The following PPFIA2 variants were observed in gnomAD, a reference collection of about 807,000 sequenced individuals.
The protein encoded by PPFIA2 is liprin-alpha-2.
Under a neutral mutation model 175.5 loss-of-function variants are expected in PPFIA2, and 46 were observed. That is an observed-to-expected ratio of 0.26 (90% CI 0.21 to 0.34). The LOEUF (loss-of-function observed/expected upper bound fraction) is 0.34. Ranked by LOEUF, PPFIA2 falls within the 10% of genes least tolerant of loss-of-function variation. The pLI, the probability that PPFIA2 is intolerant of heterozygous loss-of-function variation, is 1.00. For synonymous variants in PPFIA2, 568 were observed against 511.4 expected, an observed-to-expected ratio of 1.11 and a Z score of -1.49; for missense variants, 1,179 against 1,506.1, an observed-to-expected ratio of 0.78 and a Z score of 3.60.
rs1275218495 is a variant in PPFIA2 at position 81,374,527 on chromosome 12, T to C, written c.1266+107A>G. 12 of 1,330,992 alleles carry C rather than the reference T, an allele frequency of 9.0e-6. No homozygotes were observed. In the African/African-American group the frequency reaches 1.0e-4, roughly 11 times the overall value. 82.4% of individuals were successfully genotyped at this position (1,330,992 alleles called of 1,614,324 possible). A position where few individuals can be genotyped will look rare whatever the true frequency, so the allele number is the denominator to read the frequency against. ...AATAACAGCTCAATATAATAGAGATTAAACTTAATTTTCATAAAGCCTATA... is the reference window on the plus strand; with the variant it reads ...AATAACAGCTCAATATAATAGAGATCAAACTTAATTTTCATAAAGCCTATA... On this transcript the variant is annotated intron_variant, in intron 11 of 32. Coordinates refer to ENST00000549396, the MANE Select transcript of PPFIA2 (RefSeq NM_003625.5).
chr12:81,613,485 C>T (rs963642230), intron 4 of PPFIA2, among the ~76,000 whole-genome samples: 2 of 152,098 alleles, frequency 1.3e-5, no homozygotes, highest in African/African-American at 2.4e-5. Context: ...ATTCCTGACT[C>T]AATAAAATAT....
At chr12:81,430,860 C>T (rs1416576280) in intron 7 of PPFIA2, 1 of 152,148 alleles carries the variant, frequency 6.6e-6, no homozygotes, top group Admixed American at 6.5e-5. Flanking sequence ...CCTCTATCTC[C>T]TTTCAACATC....
chr12:81,280,412 A>G (rs374539944), intron 27 of PPFIA2, among the ~76,000 whole-genome samples: 88 of 152,224 alleles, frequency 5.8e-4, no homozygotes, highest in African/African-American at 1.9e-3. Context: ...ATTATCCTCT[A>G]TTTATCCTAA....
At chr12:81,323,946 A>G (rs576902357) in intron 22 of PPFIA2, among the ~76,000 whole-genome samples, 112 of 152,192 alleles carry the variant, frequency 7.4e-4, no homozygotes, top group African/African-American at 2.5e-3. Context: ...GCCTTGTTAA[A>G]TCCATTTGAA....
At chr12:81,443,595 T>C (rs912699788) in intron 6 of PPFIA2, among the ~76,000 whole-genome samples, 10 of 152,232 alleles carry the variant, frequency 6.6e-5, no homozygotes, top group Non-Finnish European at 1.2e-4. Flanking sequence ...TTACCTCTAT[T>C]CTGATAAAGA....
rs116630531 is a variant in PPFIA2 at position 81,599,457 on chromosome 12, T to C, written c.303+77334A>G. On this transcript the variant is annotated intron_variant, in intron 4 of 32. Coordinates refer to ENST00000549396, the MANE Select transcript of PPFIA2 (RefSeq NM_003625.5). ...TTAAGTGTGTAGGTAATTATTTAAC[T>C]AGCAAACTGCTAAATAAACCAGAAA... is the stretch of plus-strand genomic sequence containing the variant. 4.2e-3 allele frequency among the ~76,000 whole-genome samples: 632 copies of C among 152,116 alleles called. 3 individuals are homozygous for C. Among genetic ancestry groups the C allele is most frequent in the African/African-American group, 0.014 (596 of 41,548 alleles).
intron 4 of PPFIA2, among the ~76,000 whole-genome samples, chr12:81,643,546 C>A (rs1341009155): frequency 6.6e-5 from 10 of 151,670 alleles, no homozygotes; most frequent in Non-Finnish European, 1.5e-4. Context: ...TTGTTATAAC[C>A]AATCAATCCT....
At chr12:81,310,443 G>C (rs1428947034) in intron 22 of PPFIA2, among the ~76,000 whole-genome samples, 3 of 152,104 alleles carry the variant, frequency 2.0e-5, no homozygotes, top group Non-Finnish European at 4.4e-5. Context: ...CCGAATTGTA[G>C]AATGAAGTCC....
At chr12:81,284,439 GA>G in intron 24 of PPFIA2, 136 bp from the exon 25 acceptor site, 1 of 638,780 alleles carries the variant, frequency 1.6e-6, no homozygotes, top group Non-Finnish European at 2.8e-6. Context: ...GTGCATGAAA[GA>G]GACAGCATGG....
chr12:81,266,926 C>T, intron 30 of PPFIA2, 26 bp downstream of exon 30: 2 of 1,548,622 alleles, frequency 1.3e-6, no homozygotes, highest in Non-Finnish European at 1.8e-6. Flanking sequence ...TCTCTCAGAT[C>T]TCTTTTGAAT....
chr12:81,481,912 G>T (rs1478080717), intron 4 of PPFIA2, among the ~76,000 whole-genome samples: 3 of 152,158 alleles, frequency 2.0e-5, no homozygotes, highest in African/African-American at 7.2e-5. Flanking sequence ...AAACTAAAGA[G>T]CTTCTGCACA....
chr12:81,361,059 C>T (rs2029957644), intron 15 of PPFIA2, among the ~76,000 whole-genome samples: 1 of 151,572 alleles, frequency 6.6e-6, no homozygotes, highest in Admixed American at 6.6e-5. Flanking sequence ...GGGTTCCTTC[C>T]ACTACAATCT....
intron 8 of PPFIA2, among the ~76,000 whole-genome samples, chr12:81,385,423 T>A (rs192161673): frequency 6.6e-6 from 1 of 152,222 alleles, no homozygotes; most frequent in East Asian, 1.9e-4. Flanking sequence ...GCAAAATTAT[T>A]TACAATAGCC....
chr12:81,729,495 A>C (rs565579275), intron 3 of PPFIA2, among the ~76,000 whole-genome samples: 1 of 151,662 alleles, frequency 6.6e-6, no homozygotes, highest in South Asian at 2.1e-4. Context: ...TATGCAGCAC[A>C]TACTTTATTA....
intron 4 of PPFIA2, among the ~76,000 whole-genome samples, chr12:81,520,210 C>T (rs980823214): frequency 2.0e-5 from 3 of 152,094 alleles, no homozygotes; most frequent in African/African-American, 7.2e-5. Context: ...ATGTTGATGG[C>T]TGGATGTCAG....
At chr12:81,725,669 G>A (rs1443510194) in intron 3 of PPFIA2, among the ~76,000 whole-genome samples, 1 of 150,506 alleles carries the variant, frequency 6.6e-6, no homozygotes, top group African/African-American at 2.4e-5. Flanking sequence ...AATATAAATT[G>A]ATAAATAAGA....
chr12:81,356,344 T>G (rs1360799788), intron 16 of PPFIA2, among the ~76,000 whole-genome samples: 2 of 151,932 alleles, frequency 1.3e-5, no homozygotes, highest in Non-Finnish European at 2.9e-5. Context: ...ATAACAGATA[T>G]AATAATAATA....
intron 3 of PPFIA2, among the ~76,000 whole-genome samples, chr12:81,709,997 A>G (rs1280454982): frequency 2.0e-5 from 3 of 152,060 alleles, no homozygotes; most frequent in African/African-American, 7.2e-5. Flanking sequence ...AATACTTGCC[A>G]ATTCAATAGG....
At chr12:81,393,589 A>C in intron 8 of PPFIA2, among the ~76,000 whole-genome samples, 1 of 152,042 alleles carries the variant, frequency 6.6e-6, no homozygotes, top group East Asian at 1.9e-4. Flanking sequence ...AACTTCAGGA[A>C]GGAGAGGAAA....
Sources: allele counts gnomAD v4.1 joint callset (sites outside exome capture counted in the v4.1 genomes callset), GRCh38; gene constraint gnomAD v4.1.1; transcripts MANE v1.5; gene names NCBI Gene and HGNC (gene_info 2026-07-23, HGNC 2026-07-21).